Variants in ATP6V0A1 observed in about 807,000 individuals in gnomAD.
ATP6V0A1 encodes the protein V-type proton ATPase 116 kDa subunit a 1.
ATP6V0A1 carries 43 observed loss-of-function variants against 105.4 expected under a neutral mutation model. The ratio of observed to expected loss-of-function variants is 0.41; its 90% CI spans 0.32 to 0.53. The LOEUF is 0.53. ATP6V0A1 is among the 20% of genes least tolerant of loss of function. The probability of loss-of-function intolerance (pLI) is 0.30; values close to 1 mark genes in which losing one functional copy is unlikely to be tolerated. For synonymous variants in ATP6V0A1, 362 were observed against 372.8 expected (o/e 0.97, Z 0.33); for missense variants, 676 against 1,051.1 (o/e 0.64, Z 4.93).
intron 5 of ATP6V0A1, among the ~76,000 whole-genome samples, chr17:42,474,425 G>A (rs73297618): frequency 0.01 from 1,581 of 151,988 alleles, 37 homozygotes; most frequent in African/African-American, 0.036. Flanking sequence ...TCCATTCCCA[G>A]CAGTCTCACT....
chr17:42,462,998 CT>C (rs35135162), intron 2 of ATP6V0A1, among the ~76,000 whole-genome samples: 118 of 66,184 alleles, frequency 1.8e-3, no homozygotes, highest in Middle Eastern at 0.014. Context: ...GGATATGGAA[CT>C]TTTTTTTTTT....
At chr17:42,462,612 G>C (rs2086556604) in intron 2 of ATP6V0A1, among the ~76,000 whole-genome samples, 1 of 151,946 alleles carries the variant, frequency 6.6e-6, no homozygotes, top group East Asian at 1.9e-4. Context: ...TAGAGACGGG[G>C]TTTCACCACA....
chr17:42,500,875 C>T lies in ATP6V0A1; in HGVS notation c.1848C>T (p.Phe616=), dbSNP rs2146130135. Residue 616 remains phenylalanine (F), a synonymous_variant, in exon 16 of 22, where the codon TTC becomes TTT. Transcript: ENST00000343619. Reference sequence around the variant, plus strand: ...TTCTGATCCATTTCATAAACATGTTCCTCTTTTCCTACCCAGAGTCTGGTT... The same window carrying T: ...TTCTGATCCATTTCATAAACATGTTTCTCTTTTCCTACCCAGAGTCTGGTT... The part of the protein sequence containing the change: ...PSLLIHFINM[F]LFSYPESGYS... 3.7e-6 allele frequency: 6 copies of T among 1,614,100 alleles called. No individual in the cohort carries two copies. Among genetic ancestry groups the T allele is most frequent in the Non-Finnish European group, 5.1e-6 (6 of 1,180,004 alleles).
intron 20 of ATP6V0A1, 143 bp downstream of exon 20, chr17:42,514,121 C>CAGGA: frequency 8.1e-7 from 1 of 1,241,326 alleles, no homozygotes; most frequent in South Asian, 1.4e-5. Flanking sequence ...TGAGTACAGA[C>CAGGA]AGGAGGCTCA....
Position 42,478,538 on chromosome 17 carries a change from T to C in ATP6V0A1, c.582T>C (p.Asn194=). ...ERMLWRVCRG[N]VFLRQAEIEN... is the part of the protein sequence containing the mutation. ...TGCTTTGGCGGGTATGCCGGGGAAA[T>C]GTGTTCCTGCGACAGGCTGAAATCG... is the stretch of plus-strand genomic sequence containing the variant. The change falls in exon 7 of 22, where the codon AAT becomes AAC. Residue 194 remains asparagine (N), a synonymous_variant. Transcript: ENST00000343619. 4 of 1,609,142 alleles carry C rather than the reference T, an allele frequency of 2.5e-6. No individual in the cohort carries two copies. Among genetic ancestry groups the C allele is most frequent in the Non-Finnish European group, 2.5e-6 (3 of 1,177,110 alleles).
At chr17:42,506,896 A>G (rs1260675163) in intron 17 of ATP6V0A1, among the ~76,000 whole-genome samples, 1 of 152,202 alleles carries the variant, frequency 6.6e-6, no homozygotes, top group Non-Finnish European at 1.5e-5. Context: ...TGTCTGCTGA[A>G]GAAAAGGAGC....
intron 14 of ATP6V0A1, among the ~76,000 whole-genome samples, chr17:42,496,948 T>G (rs1416582693): frequency 1.3e-5 from 2 of 151,742 alleles, no homozygotes; most frequent in African/African-American, 4.8e-5. Flanking sequence ...TTGTAATGAA[T>G]GAAAAAGGAA....
chr17:42,514,404 C>A lies in ATP6V0A1; in HGVS notation c.2364C>A (p.Ala788=), dbSNP rs765731254. ...CTGCCTTTGCCACCCTGACCGTGGC[C>A]ATCCTCCTGATCATGGAGGGCCTCT... is the stretch of plus-strand genomic sequence containing the variant. ...FFTAFATLTV[A]ILLIMEGLSA... Residue 788 remains alanine, a synonymous_variant, in exon 21 of 22, where the codon GCC becomes GCA. Coordinates refer to ENST00000343619, the MANE Select transcript of ATP6V0A1 (RefSeq NM_001130021.3). The A allele has an allele frequency of 1.9e-6, 3 of 1,613,604 alleles. No homozygotes were observed. Among genetic ancestry groups the A allele is most frequent in the South Asian group, 2.2e-5 (2 of 90,980 alleles).
chr17:42,474,276 C>T lies in ATP6V0A1; in HGVS notation c.424-3384C>T, dbSNP rs900292173. Reference sequence around the variant, plus strand: ...TCAGCCTCCCAAAGTGCTGGAATTACAGGTGTGAGCCACCGCACCCAGCCT... The same window carrying T: ...TCAGCCTCCCAAAGTGCTGGAATTATAGGTGTGAGCCACCGCACCCAGCCT... On this transcript the variant is annotated intron_variant, in intron 5 of 21. Coordinates refer to ENST00000343619, the MANE Select transcript of ATP6V0A1 (RefSeq NM_001130021.3). Among the ~76,000 whole-genome samples, 35 of 152,114 alleles carry T rather than the reference C, an allele frequency of 2.3e-4. No homozygotes were observed. In the Middle Eastern group the frequency reaches 0.01, roughly 45 times the overall value.
intron 12 of ATP6V0A1, 28 bp from the exon 13 acceptor site, chr17:42,495,006 C>G (rs761816337): frequency 2.5e-6 from 4 of 1,606,884 alleles, no homozygotes; most frequent in Non-Finnish European, 3.4e-6. Flanking sequence ...TGAGTACATT[C>G]TCATTACTTC....
At chr17:42,486,537 A>C in intron 9 of ATP6V0A1, among the ~76,000 whole-genome samples, 1 of 152,212 alleles carries the variant, frequency 6.6e-6, no homozygotes, top group Middle Eastern at 3.2e-3. Flanking sequence ...CAAAAGGATC[A>C]ACACTGAACC....
At chr17:42,461,738 G>A (rs1020094945) in intron 2 of ATP6V0A1, among the ~76,000 whole-genome samples, 8 of 152,082 alleles carry the variant, frequency 5.3e-5, no homozygotes, top group Admixed American at 1.3e-4. Flanking sequence ...GTGATTGCAC[G>A]CAGCCTGGGC....
chr17:42,485,554 T>TTTTGTTTTG (rs2090024952), intron 9 of ATP6V0A1, among the ~76,000 whole-genome samples: 1 of 152,006 alleles, frequency 6.6e-6, no homozygotes, highest in African/African-American at 2.4e-5. Context: ...TTTTGTTTTG[T>TTTTGTTTTG]TTTGTTTTGT....
chr17:42,493,536 C>T (rs1052826837), intron 11 of ATP6V0A1, among the ~76,000 whole-genome samples: 2 of 152,196 alleles, frequency 1.3e-5, no homozygotes, highest in African/African-American at 4.8e-5. Context: ...TGCCTCATGC[C>T]TGTAATCTCG....
At chr17:42,494,984 T>C (rs776931121) in intron 12 of ATP6V0A1, 50 bp from the exon 13 acceptor site, 2 of 1,561,574 alleles carry the variant, frequency 1.3e-6, no homozygotes, top group Non-Finnish European at 1.8e-6. Context: ...ATTGTCACAA[T>C]GTGAGCTGCA....
chr17:42,513,251 T>C (rs571896423), intron 19 of ATP6V0A1, among the ~76,000 whole-genome samples: 1 of 152,124 alleles, frequency 6.6e-6, no homozygotes, highest in African/African-American at 2.4e-5. Flanking sequence ...TCCCTGTGCA[T>C]GGTGGTGAAA....
intron 7 of ATP6V0A1, among the ~76,000 whole-genome samples, chr17:42,479,425 A>G (rs2089211738): frequency 6.6e-6 from 1 of 152,254 alleles, no homozygotes; most frequent in Non-Finnish European, 1.5e-5. Flanking sequence ...GGCATTTGCC[A>G]TAATGGGACA....
chr17:42,498,283 A>G (rs2091368884), intron 14 of ATP6V0A1, among the ~76,000 whole-genome samples: 1 of 152,184 alleles, frequency 6.6e-6, no homozygotes, highest in Non-Finnish European at 1.5e-5. Flanking sequence ...TTAGACATCC[A>G]CACTGAAATA....
At chr17:42,495,319 T>C in intron 13 of ATP6V0A1, 131 bp downstream of exon 13, 1 of 988,066 alleles carries the variant, frequency 1.0e-6, no homozygotes. Flanking sequence ...CTCCACACTG[T>C]GAGTTGCTTT....
Sources: gnomAD v4.1 joint callset for allele counts (sites outside exome capture counted in the v4.1 genomes callset) on GRCh38, gnomAD v4.1.1 for gene constraint, MANE v1.5 for transcripts, NCBI Gene and HGNC (gene_info 2026-07-23, HGNC 2026-07-21) for gene names.